CDC42EP3: variants seen among roughly 807,000 people sequenced by gnomAD.
The protein encoded by CDC42EP3 is CDC42 effector protein 3.
A neutral mutation model predicts 15.5 loss-of-function variants in CDC42EP3; 4 were observed. The ratio of observed to expected loss-of-function variants is 0.26; its 90% CI spans 0.13 to 0.59. The LOEUF (loss-of-function observed/expected upper bound fraction) is 0.59. Among genes scored for constraint, CDC42EP3 ranks in the 20% least tolerant of loss-of-function variants. The pLI is 0.89. For missense variants in CDC42EP3, 309 were observed against 311.2 expected, an observed-to-expected ratio of 0.99 and a Z score of 0.05; for synonymous variants, 145 against 130.3, an observed-to-expected ratio of 1.11 and a Z score of -0.77.
At chr2:37,657,223 T>C (rs1259679510) in intron 1 of CDC42EP3, among the ~76,000 whole-genome samples, 1 of 152,030 alleles carries the variant, frequency 6.6e-6, no homozygotes, top group Admixed American at 6.5e-5. Flanking sequence ...CCCACCTTCT[T>C]ACCATCAGCC....
chr2:37,663,588 G>A (rs576292388), intron 1 of CDC42EP3, among the ~76,000 whole-genome samples: 4 of 152,290 alleles, frequency 2.6e-5, no homozygotes, highest in African/African-American at 7.2e-5. Flanking sequence ...CACAGGGCCC[G>A]CAGATGATCT....
In CDC42EP3 at chr2:37,646,389, G is replaced by A. The variant is rs868254741; in HGVS notation, c.199C>T (p.Pro67Ser). Reference sequence around the variant, plus strand: ...AGGTGTGCTTTCTCCTGGTTTCCAGGTAAAAGCTCGTAGTTCCCTTGAAGA... The same window carrying A: ...AGGTGTGCTTTCTCCTGGTTTCCAGATAAAAGCTCGTAGTTCCCTTGAAGA... Reference protein sequence around the residue: ...SFLQGNYELLPGNQEKAHLGQ... With the variant: ...SFLQGNYELLSGNQEKAHLGQ... Residue 67 changes from proline (P) to serine (S), a missense_variant, in exon 2 of 2, where the codon CCT (proline) becomes TCT (serine). By Grantham distance (74) the Pro-to-Ser change is moderately conservative. Coordinates refer to ENST00000295324, the MANE Select transcript of CDC42EP3 (RefSeq NM_006449.5). 6.2e-7 allele frequency: 1 copy of A among 1,613,976 alleles called. No individual in the cohort carries two copies. Among genetic ancestry groups the A allele is most frequent in the Middle Eastern group, 1.7e-4 (1 of 6,056 alleles).
At chr2:37,659,957 A>G (rs1666004701) in intron 1 of CDC42EP3, among the ~76,000 whole-genome samples, 1 of 152,218 alleles carries the variant, frequency 6.6e-6, no homozygotes, top group Non-Finnish European at 1.5e-5. Flanking sequence ...GAAGAGCTGG[A>G]CCAAAACTAT....
intron 1 of CDC42EP3, among the ~76,000 whole-genome samples, chr2:37,661,124 T>TGTGTGC (rs925468097): frequency 2.1e-5 from 3 of 141,954 alleles, no homozygotes; most frequent in African/African-American, 7.4e-5. Flanking sequence ...TGTGTGTGTG[T>TGTGTGC]GTGTGCGTGT....
At chr2:37,658,434 T>A (rs1409396606) in intron 1 of CDC42EP3, among the ~76,000 whole-genome samples, 5 of 152,164 alleles carry the variant, frequency 3.3e-5, no homozygotes, top group African/African-American at 1.2e-4. Context: ...GGATTGGAAA[T>A]GGAAACAAAC....
chr2:37,668,347 C>A (rs910835489), intron 1 of CDC42EP3, among the ~76,000 whole-genome samples: 3 of 152,170 alleles, frequency 2.0e-5, no homozygotes, highest in African/African-American at 7.2e-5. Context: ...AAACCTCAAC[C>A]TTTTATTGTG....
chr2:37,669,210 TTG>T (rs979834822), intron 1 of CDC42EP3, among the ~76,000 whole-genome samples: 2 of 146,694 alleles, frequency 1.4e-5, no homozygotes, highest in Non-Finnish European at 3.0e-5. Flanking sequence ...GTCAAAGAAT[TTG>T]TGAAAAATCT....
At chr2:37,652,371 A>G (rs551344479) in intron 1 of CDC42EP3, among the ~76,000 whole-genome samples, 2 of 151,978 alleles carry the variant, frequency 1.3e-5, no homozygotes, top group Non-Finnish European at 2.9e-5. Flanking sequence ...GCTAAACAGG[A>G]AAGGCTTACA....
At chr2:37,670,890 A>G (rs991552477) in intron 1 of CDC42EP3, among the ~76,000 whole-genome samples, 1 of 152,204 alleles carries the variant, frequency 6.6e-6, no homozygotes, top group African/African-American at 2.4e-5. Context: ...AAAACAAAAA[A>G]CCTTGTAAAC....
chr2:37,646,111 C>T lies in CDC42EP3; in HGVS notation c.477G>A (p.Leu159=), dbSNP rs556052063. Residue 159 remains leucine (L), a synonymous_variant, in exon 2 of 2, where the codon CTG becomes CTA. Coordinates refer to ENST00000295324, the MANE Select transcript of CDC42EP3 (RefSeq NM_006449.5). The part of the protein sequence containing the change: ...MEEKAQEKSS[L]LENGTVHQGD... ...CCTGGTGGACTGTCCCATTCTCCAA[C>T]AGACTGCTTTTCTCCTGAGCTTTTT... 1 of 1,614,246 alleles carries T rather than the reference C, an allele frequency of 6.2e-7. No individual in the cohort carries two copies. Among genetic ancestry groups the T allele is most frequent in the Non-Finnish European group, 8.5e-7 (1 of 1,180,046 alleles).
At chr2:37,648,777 C>T (rs1307265805) in intron 1 of CDC42EP3, among the ~76,000 whole-genome samples, 1 of 152,244 alleles carries the variant, frequency 6.6e-6, no homozygotes, top group Admixed American at 6.5e-5. Context: ...AACATCAGAA[C>T]TTCCTTCCTG....
rs375677111 is a variant in CDC42EP3 at position 37,662,371 on chromosome 2, T to A, written c.-236+9055A>T. The stretch of plus-strand genomic sequence containing the variant: ...GGAAGGGGTAATGTTCATTATAAAT[T>A]ACCCCAAAAAGCTGGAGCTGCATAA... On this transcript the variant is annotated intron_variant, in intron 1 of 1. Coordinates refer to ENST00000295324, the MANE Select transcript of CDC42EP3 (RefSeq NM_006449.5). 7.2e-5 allele frequency among the ~76,000 whole-genome samples: 11 copies of A among 152,280 alleles called. No homozygotes were observed. In the South Asian group the frequency reaches 2.3e-3, roughly 32 times the overall value.
intron 1 of CDC42EP3, among the ~76,000 whole-genome samples, chr2:37,648,410 G>C (rs994172536): frequency 7.9e-5 from 12 of 152,200 alleles, no homozygotes; most frequent in Non-Finnish European, 4.4e-5. Flanking sequence ...TTCAGCAAGA[G>C]TTTTAAATTC....
At chr2:37,656,978 A>ACCCCCC (rs1665871646) in intron 1 of CDC42EP3, among the ~76,000 whole-genome samples, 1 of 97,504 alleles carries the variant, frequency 1.0e-5, no homozygotes, top group African/African-American at 4.6e-5. Context: ...AAAGTAACAA[A>ACCCCCC]GCCCCCCCCC....
intron 1 of CDC42EP3, among the ~76,000 whole-genome samples, chr2:37,650,522 T>G (rs921562890): frequency 2.0e-5 from 3 of 152,176 alleles, no homozygotes; most frequent in African/African-American, 7.2e-5. Context: ...ACCCTTGACA[T>G]GGACTAGCTG....
chr2:37,646,117 G>C lies in CDC42EP3; in HGVS notation c.471C>G (p.Ser157Arg), dbSNP rs150534472. The C allele has an allele frequency of 4.3e-5, 70 of 1,614,226 alleles. 1 individual carries two copies. In the African/African-American group the frequency reaches 8.1e-4, roughly 19 times the overall value. Residue 157 changes from serine to arginine, a missense_variant, in exon 2 of 2, where the codon AGC becomes AGG. By Grantham distance (110) the Ser-to-Arg change is moderately radical. Coordinates refer to ENST00000295324, the MANE Select transcript of CDC42EP3 (RefSeq NM_006449.5). ...GGACTGTCCCATTCTCCAACAGACT[G>C]CTTTTCTCCTGAGCTTTTTCCTCCA... ...PVMEEKAQEKSSLLENGTVHQ... is the reference protein window; with the variant it reads ...PVMEEKAQEKRSLLENGTVHQ...
At chr2:37,664,361 C>T (rs987081469) in intron 1 of CDC42EP3, among the ~76,000 whole-genome samples, 1 of 152,196 alleles carries the variant, frequency 6.6e-6, no homozygotes, top group Non-Finnish European at 1.5e-5. Context: ...CCTTTGGTCA[C>T]AGACTGAAGG....
At chr2:37,650,824 T>C (rs1665649471) in intron 1 of CDC42EP3, among the ~76,000 whole-genome samples, 1 of 152,220 alleles carries the variant, frequency 6.6e-6, no homozygotes, top group African/African-American at 2.4e-5. Flanking sequence ...ACACTGACAG[T>C]TGAAGTATGA....
rs888666847 is a variant in CDC42EP3 at position 37,645,039 on chromosome 2, A to G, written c.*784T>C. On this transcript the variant is annotated 3_prime_UTR_variant, in exon 2 of 2. Coordinates refer to ENST00000295324, the MANE Select transcript of CDC42EP3 (RefSeq NM_006449.5). ...AAGTATGATAACAGATGAAGAAAAAAAAACTAAGTATGAATACACTTTTCC... is the reference window on the plus strand; with the variant it reads ...AAGTATGATAACAGATGAAGAAAAAGAAACTAAGTATGAATACACTTTTCC... 1.3e-5 allele frequency: 2 copies of G among 152,216 alleles called. No individual in the cohort carries two copies. Among genetic ancestry groups the G allele is most frequent in the African/African-American group, 4.8e-5 (2 of 41,440 alleles). 9.4% of individuals were successfully genotyped at this position (152,216 alleles called of 1,614,324 possible).
Sources: gnomAD v4.1 joint callset for allele counts (sites outside exome capture counted in the v4.1 genomes callset) on GRCh38, gnomAD v4.1.1 for gene constraint, MANE v1.5 for transcripts, NCBI Gene and HGNC (gene_info 2026-07-23, HGNC 2026-07-21) for gene names.